HIVEP3: variants seen among roughly 807,000 people sequenced by gnomAD.
HIVEP3 encodes transcription factor HIVEP3.
HIVEP3 carries 49 observed loss-of-function variants against 152.8 expected under a neutral mutation model. The ratio of observed to expected loss-of-function variants is 0.32; its 90% CI spans 0.26 to 0.41. The LOEUF (loss-of-function observed/expected upper bound fraction) is 0.41. Among genes scored for constraint, HIVEP3 ranks in the 10% least tolerant of loss-of-function variants. The pLI, the probability that HIVEP3 is intolerant of heterozygous loss-of-function variation, is 1.00. For synonymous variants in HIVEP3, 1,269 were observed against 1,289.0 expected, an observed-to-expected ratio of 0.98 and a Z score of 0.33; for missense variants, 2,790 against 3,103.3, an observed-to-expected ratio of 0.90 and a Z score of 2.40.
intron 5 of HIVEP3, among the ~76,000 whole-genome samples, chr1:41,540,502 G>A (rs115496709): frequency 0.011 from 1,708 of 152,234 alleles, 35 homozygotes; most frequent in African/African-American, 0.039. Flanking sequence ...AGACCCCAGA[G>A]TTACTCCAAT....
chr1:41,993,731 C>A (rs865822903), intron 1 of HIVEP3, among the ~76,000 whole-genome samples: 2,952 of 150,500 alleles, frequency 0.02, 50 homozygotes, highest in Non-Finnish European at 0.024. Context: ...TTCACAATAG[C>A]AAAGACTTGG....
At chr1:41,868,365 G>A (rs1025816193) in intron 1 of HIVEP3, among the ~76,000 whole-genome samples, 3 of 152,120 alleles carry the variant, frequency 2.0e-5, no homozygotes, top group African/African-American at 7.2e-5. Context: ...TGATGGGTGA[G>A]AGATGGTGGC....
intron 1 of HIVEP3, among the ~76,000 whole-genome samples, chr1:42,026,629 C>T (rs937915020): frequency 3.9e-5 from 6 of 152,038 alleles, no homozygotes; most frequent in Non-Finnish European, 8.8e-5. Flanking sequence ...GAAGGCATGC[C>T]TAGGATACTC....
Position 41,938,176 on chromosome 1 carries a change from C to G in HIVEP3, n.120-19652G>C, listed in dbSNP as rs147064702. 4.9e-4 allele frequency among the ~76,000 whole-genome samples: 74 copies of G among 152,290 alleles called. 1 individual carries two copies. The East Asian group carries it at 0.013, about 26-fold the overall frequency. ...CTCAGAGCTGAGTTTCCTGACCACT[C>G]TATTTTGAGTAGGTCACCCCTGATA... On this transcript the variant is annotated intron_variant and non_coding_transcript_variant, in intron 1 of 3. Coordinates refer to the HIVEP3 transcript ENST00000489103.
intron 1 of HIVEP3, among the ~76,000 whole-genome samples, chr1:41,926,354 C>T (rs114848899): frequency 5.4e-4 from 82 of 152,288 alleles, no homozygotes; most frequent in African/African-American, 1.5e-3. Flanking sequence ...TCATATTATT[C>T]GAATCAGCCC....
At chr1:41,830,896 A>G (rs1047623344) in intron 1 of HIVEP3, among the ~76,000 whole-genome samples, 2 of 152,072 alleles carry the variant, frequency 1.3e-5, no homozygotes, top group African/African-American at 4.8e-5. Context: ...TCTTATCCCT[A>G]CGCGTTCGTG....
Position 41,631,669 on chromosome 1 carries a change from C to T in HIVEP3, c.-720-2722G>A, listed in dbSNP as rs543551812. 3.3e-5 allele frequency among the ~76,000 whole-genome samples: 5 copies of T among 152,260 alleles called. No homozygotes were observed. The South Asian group carries it at 6.2e-4, about 19-fold the overall frequency. ...CCCCCTCCTACCCCCAGGGCAGCAT[C>T]GCAGCACCACACAGTGGAGAGGCTT... On this transcript the variant is annotated intron_variant, in intron 2 of 8. Coordinates refer to ENST00000372583, the MANE Select transcript of HIVEP3 (RefSeq NM_024503.5).
intron 1 of HIVEP3, among the ~76,000 whole-genome samples, chr1:41,874,953 G>C (rs1325281257): frequency 6.6e-6 from 1 of 152,192 alleles, no homozygotes; most frequent in Non-Finnish European, 1.5e-5. Flanking sequence ...TCTCCCACCA[G>C]ATCTGCCTTC....
rs1644914583 is a variant in HIVEP3, at chr1:41,918,895, C to T, written c.-1283G>A. On this transcript the variant is annotated 5_prime_UTR_variant, in exon 1 of 9. Transcript: ENST00000372583. This position sits in a 1 kb window ranked among gnomAD's most constrained non-coding sequence, Gnocchi z 4.3. ...GAATCCAGAGCCAACCCATGCCTCGCTTGTCTTTTCCACTAGGAGTCCAGA... is the reference window on the plus strand; with the variant it reads ...GAATCCAGAGCCAACCCATGCCTCGTTTGTCTTTTCCACTAGGAGTCCAGA... Among the ~76,000 whole-genome samples, 1 of 152,192 alleles carries T rather than the reference C, an allele frequency of 6.6e-6. No homozygotes were observed. Among genetic ancestry groups the T allele is most frequent in the Admixed American group, 6.5e-5 (1 of 15,284 alleles).
At chr1:41,825,331 T>C (rs537847858) in intron 1 of HIVEP3, among the ~76,000 whole-genome samples, 29 of 152,090 alleles carry the variant, frequency 1.9e-4, no homozygotes, top group African/African-American at 6.8e-4. Context: ...ACCAGGAATA[T>C]CACAAAATAC....
At chr1:41,917,675 A>G (rs1458087335) in intron 1 of HIVEP3, among the ~76,000 whole-genome samples, 15 of 152,164 alleles carry the variant, frequency 9.9e-5, no homozygotes, top group Admixed American at 9.8e-4. Context: ...CAGTGTTTCC[A>G]TTTAAAAGAT....
At chr1:41,669,730 G>C (rs1200848113) in intron 2 of HIVEP3, among the ~76,000 whole-genome samples, 2 of 152,166 alleles carry the variant, frequency 1.3e-5, no homozygotes, top group African/African-American at 4.8e-5. Flanking sequence ...CAGGCCTTCA[G>C]ACTCAGACTA....
chr1:41,938,586 G>C (rs1645031111), intron 1 of HIVEP3, among the ~76,000 whole-genome samples: 1 of 152,216 alleles, frequency 6.6e-6, no homozygotes, highest in Admixed American at 6.5e-5. Flanking sequence ...CAGAGGAAGA[G>C]CAAGTCCAGA....
intron 5 of HIVEP3, among the ~76,000 whole-genome samples, chr1:41,570,097 A>T (rs979268230): frequency 6.6e-6 from 1 of 152,158 alleles, no homozygotes; most frequent in Non-Finnish European, 1.5e-5. Context: ...GAGTGTCATC[A>T]ACCTGTAGAT....
intron 1 of HIVEP3, among the ~76,000 whole-genome samples, chr1:41,953,139 C>T (rs563144898): frequency 2.0e-5 from 3 of 152,318 alleles, no homozygotes; most frequent in African/African-American, 7.2e-5. Context: ...AATGATCTTT[C>T]CTGACTTCCT....
rs141540001 is a variant in HIVEP3 at position 41,512,902 on chromosome 1, C to T, written c.6319G>A (p.Gly2107Arg). Reference sequence around the variant, plus strand: ...GGGAAGAGAACCCGTGGGTCCAGCCCCAAGCCTGGGCCATGCTCCCCCGCT... The same window carrying T: ...GGGAAGAGAACCCGTGGGTCCAGCCTCAAGCCTGGGCCATGCTCCCCCGCT... ...PSAGEHGPGL[G>R]LDPRVLFPPA... The change falls in exon 8 of 9, where the codon GGG becomes AGG. Residue 2107 changes from glycine (G) to arginine (R), a missense_variant. Transcript: ENST00000372583. 6.3e-5 allele frequency: 100 copies of T among 1,581,560 alleles called. No individual in the cohort carries two copies. Among genetic ancestry groups the T allele is most frequent in the Non-Finnish European group, 8.1e-5 (94 of 1,163,972 alleles).
chr1:41,589,577 G>T (rs1644556949), intron 3 of HIVEP3, among the ~76,000 whole-genome samples: 1 of 152,242 alleles, frequency 6.6e-6, no homozygotes, highest in South Asian at 2.1e-4. Flanking sequence ...CACCCCAGAG[G>T]ACATTTCCAG....
rs151193541 is a variant in HIVEP3, at chr1:41,581,688, G to A, written c.3110C>T (p.Pro1037Leu). Reference sequence around the variant, plus strand: ...CAAGAAGCATTTTCTTCTCTCTGGCGGGGCCACCCGCGCTGGTGGAGCCAC... The same window carrying A: ...CAAGAAGCATTTTCTTCTCTCTGGCAGGGCCACCCGCGCTGGTGGAGCCAC... The part of the protein sequence containing the change: ...APVAPPARVA[P>L]PERRKCFLVR... Residue 1037 changes from proline to leucine, a missense_variant, in exon 4 of 9, where the codon CCG (proline) becomes CTG (leucine). By Grantham distance (98) the Pro-to-Leu change is moderately conservative (BLOSUM62 -3). Transcript: ENST00000372583. The surrounding 1 kb of genome is among the most constrained non-coding windows in gnomAD (Gnocchi z 4.5). 9.2e-5 allele frequency: 148 copies of A among 1,613,876 alleles called. No individual in the cohort carries two copies. Among genetic ancestry groups the A allele is most frequent in the Non-Finnish European group, 1.1e-4 (133 of 1,179,960 alleles).
intron 1 of HIVEP3, among the ~76,000 whole-genome samples, chr1:41,726,497 C>T (rs1646754538): frequency 6.6e-6 from 1 of 152,208 alleles, no homozygotes; most frequent in South Asian, 2.1e-4. Context: ...TTAAGTCCCA[C>T]AGTTACCTCC....
Sources: allele counts gnomAD v4.1 joint callset (sites outside exome capture counted in the v4.1 genomes callset), GRCh38; gene constraint gnomAD v4.1.1; non-coding constraint Gnocchi (gnomAD v3.1); transcripts MANE v1.5; gene names NCBI Gene and HGNC (gene_info 2026-07-23, HGNC 2026-07-21).